Variants in TIMELESS observed in about 807,000 individuals in gnomAD.
The protein encoded by TIMELESS is protein timeless homolog.
A neutral mutation model predicts 164.3 loss-of-function variants in TIMELESS; 124 were observed. The observed-to-expected ratio is 0.75, with a 90% CI of 0.65 to 0.88. The LOEUF (loss-of-function observed/expected upper bound fraction) is 0.88. Among genes scored for constraint, TIMELESS ranks in the 40% least tolerant of loss-of-function variants. The probability of loss-of-function intolerance (pLI) is 0.00; values close to 1 mark genes in which losing one functional copy is unlikely to be tolerated. For missense variants in TIMELESS, 1,422 were observed against 1,491.4 expected (o/e 0.95, Z 0.77); for synonymous variants, 564 against 563.4 (o/e 1.00, Z -0.02).
chr12:56,428,925 A>T lies in TIMELESS; in HGVS notation c.1262T>A (p.Met421Lys). ...AGCTTCCTTGCGGTCAGTCAGCATC[A>T]TCTCATAGTAGTTGGTGAGGTTCTG... ...IEQNLTNYYE[M>K]MLTDRKEAAS... The change falls in exon 11 of 29, where the codon ATG becomes AAG. Residue 421 changes from methionine to lysine, a missense_variant. Met to Lys is a moderately conservative substitution (Grantham distance 95). Transcript: ENST00000553532. 6.2e-7 allele frequency: 1 copy of T among 1,614,088 alleles called. No homozygotes were observed. The highest frequency in any genetic ancestry group is 8.5e-7 in the Non-Finnish European group (1 of 1,180,026).
intron 1 of TIMELESS, among the ~76,000 whole-genome samples, chr12:56,441,360 G>A (rs1247398360): frequency 1.3e-5 from 2 of 152,014 alleles, no homozygotes; most frequent in Non-Finnish European, 2.9e-5. Flanking sequence ...GGTGGCTCAC[G>A]CCTGTAATAC....
rs151238555 is a variant in TIMELESS, at chr12:56,424,826, G to A, written c.1804C>T (p.Arg602Trp). The change falls in exon 15 of 29, where the codon CGG becomes TGG. Residue 602 changes from arginine to tryptophan, a missense_variant. By Grantham distance (101) the Arg-to-Trp change is moderately radical. Coordinates refer to ENST00000553532, the MANE Select transcript of TIMELESS (RefSeq NM_003920.5). The part of the protein sequence containing the change: ...VEEQRAEAMV[R>W]IQDCLLAGQA... ...CCAGCCAGGAGACAGTCTTGGATCC[G>A]TACCATAGCTTCTGCCCGCTGCTCC... 1.5e-4 allele frequency: 239 copies of A among 1,614,196 alleles called. No individual in the cohort carries two copies. The East Asian group carries it at 2.1e-3, about 14-fold the overall frequency.
rs1215239897 is a variant in TIMELESS at position 56,421,794 on chromosome 12, A to G, written c.2658T>C (p.Ile886=). The G allele has an allele frequency of 2.5e-6, 4 of 1,614,208 alleles. No homozygotes were observed. Among genetic ancestry groups the G allele is most frequent in the South Asian group, 1.1e-5 (1 of 91,082 alleles). ...ACTCCTGATCCCCCGTCCACAGTAC[A>G]ATATGGGTTCCTTTCCTGATTAGGA... ...VKDFQRKGTH[I]VLWTGDQELE... is the part of the protein sequence containing the mutation. The change falls in exon 22 of 29, where the codon ATT becomes ATC. Residue 886 remains isoleucine (I), a synonymous_variant. Transcript: ENST00000553532.
rs745421427 is a variant in TIMELESS, at chr12:56,428,947, T to C, written c.1240A>G (p.Asn414Asp). ...SVRTFHFIEQ[N>D]LTNYYEMMLT... Reference sequence around the variant, plus strand: ...ATCATCTCATAGTAGTTGGTGAGGTTCTGCTCAATGAAGTGGAAGGTACGG... The same window carrying C: ...ATCATCTCATAGTAGTTGGTGAGGTCCTGCTCAATGAAGTGGAAGGTACGG... Residue 414 changes from asparagine (N) to aspartate (D), a missense_variant, in exon 11 of 29, where the codon AAC becomes GAC. Coordinates refer to ENST00000553532, the MANE Select transcript of TIMELESS (RefSeq NM_003920.5). 6.2e-7 allele frequency: 1 copy of C among 1,614,136 alleles called. No homozygotes were observed. The highest frequency in any genetic ancestry group is 1.1e-5 in the South Asian group (1 of 91,070).
chr12:56,443,865 C>T (rs1233551156), intron 1 of TIMELESS, among the ~76,000 whole-genome samples: 1 of 151,302 alleles, frequency 6.6e-6, no homozygotes, highest in Non-Finnish European at 1.5e-5. Flanking sequence ...TGAGCAGGGC[C>T]TTCAGCCTGG....
intron 17 of TIMELESS, 37 bp from the exon 18 acceptor site, chr12:56,423,512 A>G (rs1592245482): frequency 6.2e-7 from 1 of 1,613,522 alleles, no homozygotes; most frequent in East Asian, 2.2e-5. Context: ...TGTCAGCATA[A>G]GGAAGACATA....
intron 1 of TIMELESS, among the ~76,000 whole-genome samples, chr12:56,442,136 T>C (rs1013428523): frequency 1.8e-5 from 2 of 111,566 alleles, no homozygotes; most frequent in East Asian, 5.2e-4. Flanking sequence ...TCCACAAATA[T>C]AGAACAAACA....
At chr12:56,422,056 C>A in intron 20 of TIMELESS, 40 bp from the exon 21 acceptor site, 2 of 1,613,888 alleles carry the variant, frequency 1.2e-6, no homozygotes, top group Non-Finnish European at 1.7e-6. Flanking sequence ...GAAGGTCCCA[C>A]AGCTCAAGCT....
chr12:56,417,426 T>C lies in TIMELESS; in HGVS notation c.*290A>G. The C allele has an allele frequency of 2.8e-6, 1 of 355,884 alleles. No individual in the cohort carries two copies. Among genetic ancestry groups the C allele is most frequent in the Non-Finnish European group, 5.2e-6 (1 of 194,050 alleles). The allele number at this position is 355,884 out of a possible 1,614,324, so 22.0% of individuals were successfully genotyped here. A position where few individuals can be genotyped will look rare whatever the true frequency, so the allele number is the denominator to read the frequency against. On this transcript the variant is annotated 3_prime_UTR_variant, in exon 29 of 29. Coordinates refer to ENST00000553532, the MANE Select transcript of TIMELESS (RefSeq NM_003920.5). Reference sequence around the variant, plus strand: ...CTTTCTCTATTTCACTCACTCCTCTTATTTGCTAAGGAGCTCCAATAACCA... The same window carrying C: ...CTTTCTCTATTTCACTCACTCCTCTCATTTGCTAAGGAGCTCCAATAACCA...
chr12:56,428,886 C>T lies in TIMELESS; in HGVS notation c.1301G>A (p.Arg434His), dbSNP rs773667829. Residue 434 changes from arginine to histidine, a missense_variant, in exon 11 of 29, where the codon CGC becomes CAC. Physicochemically the swap from Arg to His is conservative, Grantham distance 29. Transcript: ENST00000553532. ...CTCCAGTAACCATCCCACTCACCGG[C>T]GTGCCCAGGAGGCAGCTTCCTTGCG... is the stretch of plus-strand genomic sequence containing the variant. ...TDRKEAASWA[R>H]RMHLALKAYQ... 4.3e-6 allele frequency: 7 copies of T among 1,613,448 alleles called. No individual in the cohort carries two copies. In the South Asian group the frequency reaches 6.6e-5, roughly 15 times the overall value.
At chr12:56,447,182 GTTTTTTTTTTT>G (rs144004569) in intron 1 of TIMELESS, among the ~76,000 whole-genome samples, 2 of 89,246 alleles carry the variant, frequency 2.2e-5, no homozygotes, top group African/African-American at 7.3e-5. Flanking sequence ...GCTAATTTTT[GTTTTTTTTTTT>G]TTTTTTTTTT....
chr12:56,421,493 T>A lies in TIMELESS; in HGVS notation c.2726A>T (p.Asp909Val). ...ATTCTTCATGATATGACCCAGGACA[T>A]CTATAAAAAGCAAGCATGTGAATAC... ...RLFEEFRDSDDVLGHIMKNIT... is the reference protein window; with the variant it reads ...RLFEEFRDSDVVLGHIMKNIT... Residue 909 changes from aspartate to valine, a missense_variant and splice_region_variant, in exon 23 of 29, where the codon GAT becomes GTT. Coordinates refer to ENST00000553532, the MANE Select transcript of TIMELESS (RefSeq NM_003920.5). The A allele has an allele frequency of 6.2e-7, 1 of 1,608,314 alleles. No homozygotes were observed. Among genetic ancestry groups the A allele is most frequent in the South Asian group, 1.1e-5 (1 of 90,522 alleles).
At chr12:56,448,589 C>T (rs113406929) in intron 1 of TIMELESS, among the ~76,000 whole-genome samples, 2 of 151,276 alleles carry the variant, frequency 1.3e-5, no homozygotes, top group African/African-American at 4.9e-5. Context: ...ATTAGCCGGG[C>T]ATGGTGGCGC....
At chr12:56,428,076 G>A (rs956718792) in intron 13 of TIMELESS, among the ~76,000 whole-genome samples, 160 bp downstream of exon 13, 1 of 152,210 alleles carries the variant, frequency 6.6e-6, no homozygotes, top group African/African-American at 2.4e-5. Flanking sequence ...GAAGGAAACT[G>A]TAGTAGACTC....
chr12:56,418,827 A>G (rs1251566720), intron 26 of TIMELESS, among the ~76,000 whole-genome samples: 1 of 151,658 alleles, frequency 6.6e-6, no homozygotes, highest in Non-Finnish European at 1.5e-5. Context: ...TCAGCCTCCC[A>G]AAGTGCTGGG....
chr12:56,420,067 T>C (rs1253544422), intron 26 of TIMELESS, among the ~76,000 whole-genome samples: 1 of 91,468 alleles, frequency 1.1e-5, no homozygotes, highest in African/African-American at 4.1e-5. Flanking sequence ...TGTGTGTGTG[T>C]GTGTATATAT....
chr12:56,431,664 G>C (rs1317729176), intron 7 of TIMELESS, 60 bp from the exon 8 acceptor site: 2 of 1,569,714 alleles, frequency 1.3e-6, no homozygotes, highest in Non-Finnish European at 1.7e-6. Context: ...CTGAGTTCAC[G>C]CCTACTGGGG....
Position 56,417,047 on chromosome 12 carries a change from T to C in TIMELESS, c.*669A>G, listed in dbSNP as rs1048460818. ...CTGTTGGTCTCTTTTTACCCTAAAA[T>C]TGTTAAGTTCTTCTTTCAAGAGCAC... On this transcript the variant is annotated 3_prime_UTR_variant, in exon 29 of 29. Transcript: ENST00000553532. 2 of 152,488 alleles carry C rather than the reference T, an allele frequency of 1.3e-5. No homozygotes were observed. The highest frequency in any genetic ancestry group is 1.5e-5 in the Non-Finnish European group (1 of 68,294). The allele number at this position is 152,488 out of a possible 1,614,324, so 9.4% of individuals were successfully genotyped here. A position where few individuals can be genotyped will look rare whatever the true frequency, so the allele number is the denominator to read the frequency against.
intron 1 of TIMELESS, among the ~76,000 whole-genome samples, chr12:56,449,079 T>C (rs968047505): frequency 6.6e-6 from 1 of 152,180 alleles, no homozygotes; most frequent in Admixed American, 6.5e-5. Flanking sequence ...AGACCCAAGC[T>C]GTGCGGAGCA....
Sources: allele counts gnomAD v4.1 joint callset (sites outside exome capture counted in the v4.1 genomes callset), GRCh38; gene constraint gnomAD v4.1.1; transcripts MANE v1.5; gene names NCBI Gene and HGNC (gene_info 2026-07-23, HGNC 2026-07-21).